MACROD2: variants seen among roughly 807,000 people sequenced by gnomAD.
MACROD2 encodes the protein mono-ADP ribosylhydrolase 2.
A neutral mutation model predicts 70.4 loss-of-function variants in MACROD2; 36 were observed. The observed-to-expected ratio is 0.51, with a 90% confidence interval of 0.39 to 0.68. MACROD2 has a LOEUF of 0.68. Among genes scored for constraint, MACROD2 ranks in the 30% least tolerant of loss-of-function variants. MACROD2 has a pLI of 0.00. For synonymous variants in MACROD2, 172 were observed against 178.8 expected, an observed-to-expected ratio of 0.96 and a Z score of 0.30; for missense variants, 496 against 538.4, an observed-to-expected ratio of 0.92 and a Z score of 0.78.
intron 5 of MACROD2, among the ~76,000 whole-genome samples, chr20:14,777,015 C>G (rs2072242788): frequency 1.3e-5 from 2 of 151,876 alleles, no homozygotes; most frequent in Non-Finnish European, 1.5e-5. Context: ...TTTTTTATTG[C>G]TATGTAATAT....
At chr20:14,817,614 C>T (rs2072788707) in intron 5 of MACROD2, among the ~76,000 whole-genome samples, 1 of 152,048 alleles carries the variant, frequency 6.6e-6, no homozygotes, top group Admixed American at 6.6e-5. Context: ...ATTTGAGTTT[C>T]TTCAGAAGCA....
At chr20:14,156,999 T>G (rs1008686556) in intron 3 of MACROD2, among the ~76,000 whole-genome samples, 1 of 152,206 alleles carries the variant, frequency 6.6e-6, no homozygotes, top group African/African-American at 2.4e-5. Flanking sequence ...GATCCAACTC[T>G]TCTAGCTTTA....
chr20:14,172,331 G>T (rs1273239039), intron 3 of MACROD2, among the ~76,000 whole-genome samples: 5 of 128,288 alleles, frequency 3.9e-5, no homozygotes, highest in Non-Finnish European at 6.3e-5. Context: ...TTGAGATGGA[G>T]TCTTGCTCTG....
rs1270589755 is a variant in MACROD2 at position 13,996,280 on chromosome 20, C to T, written c.46+471C>T. On this transcript the variant is annotated intron_variant, in intron 1 of 17. Transcript: ENST00000684519. Reference sequence around the variant, plus strand: ...TGCACCCTCATTTCTTTCCTTCTCGCCCCTGTCCCCCCAGCCCCCGAATGG... The same window carrying T: ...TGCACCCTCATTTCTTTCCTTCTCGTCCCTGTCCCCCCAGCCCCCGAATGG... 4 of 176,428 alleles carry T rather than the reference C, an allele frequency of 2.3e-5. No individual in the cohort carries two copies. The East Asian group carries it at 5.6e-4, about 25-fold the overall frequency. 10.9% of individuals were successfully genotyped at this position (176,428 alleles called of 1,614,324 possible).
intron 4 of MACROD2, among the ~76,000 whole-genome samples, chr20:14,629,454 T>C (rs955150897): frequency 1.3e-5 from 2 of 152,236 alleles, no homozygotes; most frequent in South Asian, 2.1e-4. Flanking sequence ...AATCAACAGA[T>C]GACAGCTTTA....
intron 6 of MACROD2, among the ~76,000 whole-genome samples, chr20:15,344,041 A>G (rs1219409586): frequency 6.6e-6 from 1 of 152,150 alleles, no homozygotes; most frequent in Non-Finnish European, 1.5e-5. Flanking sequence ...AAACTCCTAA[A>G]TTTTCAGTCG....
chr20:15,899,232 GTA>G (rs1164229073), intron 10 of MACROD2, among the ~76,000 whole-genome samples: 1 of 151,738 alleles, frequency 6.6e-6, no homozygotes, highest in Admixed American at 6.6e-5. Flanking sequence ...ATGTATATAT[GTA>G]TATGTGTGTA....
At chr20:15,547,678 TC>T (rs1486424344) in intron 8 of MACROD2, among the ~76,000 whole-genome samples, 13 of 152,188 alleles carry the variant, frequency 8.5e-5, no homozygotes, top group Non-Finnish European at 1.5e-4. Context: ...AAGCATTTAG[TC>T]GTTCTCCTCT....
intron 4 of MACROD2, among the ~76,000 whole-genome samples, chr20:14,644,084 G>A (rs1180604606): frequency 1.3e-5 from 2 of 152,180 alleles, no homozygotes; most frequent in Admixed American, 6.5e-5. Flanking sequence ...ATATAATTCT[G>A]GTTCTATTAA....
Position 15,987,049 on chromosome 20 carries a change from T to G in MACROD2, c.1061-17T>G. 6.3e-7 allele frequency: 1 copy of G among 1,590,172 alleles called. No homozygotes were observed. Among genetic ancestry groups the G allele is most frequent in the East Asian group, 2.2e-5 (1 of 44,744 alleles). Reference sequence around the variant, plus strand: ...ACTAAAACAACCCTGAGTGTCCATCTGTCTCATTCTATTTAGAACTTTCAT... The same window carrying G: ...ACTAAAACAACCCTGAGTGTCCATCGGTCTCATTCTATTTAGAACTTTCAT... On this transcript the variant is annotated splice_polypyrimidine_tract_variant and intron_variant, in intron 14 of 17. Transcript: ENST00000684519.
intron 5 of MACROD2, among the ~76,000 whole-genome samples, chr20:14,732,552 A>G (rs918633071): frequency 6.6e-6 from 1 of 152,162 alleles, no homozygotes; most frequent in Non-Finnish European, 1.5e-5. Flanking sequence ...TGACAATATC[A>G]TGAAACATAA....
At chr20:15,331,095 G>A (rs1482359867) in intron 6 of MACROD2, among the ~76,000 whole-genome samples, 1 of 151,632 alleles carries the variant, frequency 6.6e-6, no homozygotes, top group Non-Finnish European at 1.5e-5. Context: ...AATTGTCTAA[G>A]CCAGATGCAG....
chr20:14,491,236 G>A (rs924366409), intron 3 of MACROD2, among the ~76,000 whole-genome samples: 2 of 152,062 alleles, frequency 1.3e-5, no homozygotes, highest in African/African-American at 4.8e-5. Context: ...CACTTTTGCT[G>A]AAGAAAAGTG....
chr20:14,549,380 A>G (rs1379933592), intron 4 of MACROD2, among the ~76,000 whole-genome samples: 2 of 152,210 alleles, frequency 1.3e-5, no homozygotes, highest in Non-Finnish European at 2.9e-5. Context: ...TGTATATACT[A>G]GTTTTCTTTT....
At chr20:15,592,055 CCT>C (rs2146670290) in intron 8 of MACROD2, among the ~76,000 whole-genome samples, 1 of 152,270 alleles carries the variant, frequency 6.6e-6, no homozygotes, top group South Asian at 2.1e-4. Context: ...AAGTGTAAGA[CCT>C]CTCACGTCTG....
chr20:14,334,359 C>T (rs2082898046), intron 3 of MACROD2, among the ~76,000 whole-genome samples: 2 of 152,214 alleles, frequency 1.3e-5, no homozygotes. Context: ...AGAAGACCAA[C>T]TCTTTGTTGG....
chr20:14,488,147 T>C (rs1161980217), intron 3 of MACROD2, among the ~76,000 whole-genome samples: 5 of 152,238 alleles, frequency 3.3e-5, no homozygotes, highest in Non-Finnish European at 7.3e-5. Context: ...GAAAATTTAT[T>C]TGTATTTATT....
chr20:15,131,924 A>T (rs1339098895), intron 5 of MACROD2, among the ~76,000 whole-genome samples: 2 of 152,082 alleles, frequency 1.3e-5, no homozygotes, highest in Non-Finnish European at 2.9e-5. Context: ...AATGAGAACA[A>T]TACTCATATA....
rs970405978 is a variant in MACROD2, at chr20:15,141,292, A to T, written c.419-88648A>T. Among the ~76,000 whole-genome samples, 84 of 152,168 alleles carry T rather than the reference A, an allele frequency of 5.5e-4. 1 individual carries two copies. Among genetic ancestry groups the T allele is most frequent in the African/African-American group, 1.9e-3 (80 of 41,452 alleles). On this transcript the variant is annotated intron_variant, in intron 5 of 17. Transcript: ENST00000684519. Reference sequence around the variant, plus strand: ...TGCATTCAGGCACTAGCATACATACATATAGATATACACGTGTTTGCATAA... The same window carrying T: ...TGCATTCAGGCACTAGCATACATACTTATAGATATACACGTGTTTGCATAA...
Sources: allele counts gnomAD v4.1 joint callset (sites outside exome capture counted in the v4.1 genomes callset), GRCh38; gene constraint gnomAD v4.1.1; transcripts MANE v1.5; gene names NCBI Gene and HGNC (gene_info 2026-07-23, HGNC 2026-07-21).